The following USP3 variants were observed in gnomAD, a reference collection of about 807,000 sequenced individuals.
USP3 encodes the protein ubiquitin carboxyl-terminal hydrolase 3.
A neutral mutation model predicts 72.3 loss-of-function variants in USP3; 20 were observed. The ratio of observed to expected loss-of-function variants is 0.28; its 90% CI spans 0.19 to 0.40. The LOEUF (loss-of-function observed/expected upper bound fraction) is 0.40, where lower values mean the gene tolerates loss of function less well. Among genes scored for constraint, USP3 ranks in the 10% least tolerant of loss-of-function variants. The probability of loss-of-function intolerance (pLI) is 1.00; values close to 1 mark genes in which losing one functional copy is unlikely to be tolerated. For synonymous variants in USP3, 222 were observed against 225.3 expected, an observed-to-expected ratio of 0.99 and a Z score of 0.13; for missense variants, 479 against 633.9, an observed-to-expected ratio of 0.76 and a Z score of 2.62.
chr15:63,505,126 C>T (rs2065692092), intron 1 of USP3, among the ~76,000 whole-genome samples: 1 of 151,444 alleles, frequency 6.6e-6, no homozygotes, highest in Admixed American at 6.6e-5. Context: ...TGGCCAGCTG[C>T]GTGCGCCCTT....
At chr15:63,517,719 A>T (rs2065870582) in intron 1 of USP3, among the ~76,000 whole-genome samples, 1 of 152,038 alleles carries the variant, frequency 6.6e-6, no homozygotes, top group African/African-American at 2.4e-5. Flanking sequence ...AAGTTCCATG[A>T]CTCAGTTGTC....
intron 11 of USP3, among the ~76,000 whole-genome samples, chr15:63,587,382 A>T (rs1043559526): frequency 6.6e-6 from 1 of 152,252 alleles, no homozygotes; most frequent in Non-Finnish European, 1.5e-5. Context: ...TGATTGCATC[A>T]GGAATTGGCA....
At chr15:63,547,578 A>G (rs1215095578) in intron 3 of USP3, among the ~76,000 whole-genome samples, 1 of 151,790 alleles carries the variant, frequency 6.6e-6, no homozygotes, top group African/African-American at 2.4e-5. Context: ...AAAGTAAAAA[A>G]AAATAGCCAG....
At chr15:63,537,593 T>G (rs2066177039) in intron 3 of USP3, among the ~76,000 whole-genome samples, 1 of 152,216 alleles carries the variant, frequency 6.6e-6, no homozygotes, top group Non-Finnish European at 1.5e-5. Context: ...AAAAAATTAT[T>G]CTGACAGTCT....
intron 1 of USP3, among the ~76,000 whole-genome samples, chr15:63,505,509 GGAGGGGACTGCTC>G (rs1306875619): frequency 6.6e-6 from 1 of 152,230 alleles, no homozygotes. Flanking sequence ...CAGCTGCTTT[GGAGGGGACTGCTC>G]GAGTTTGTTT....
Position 63,528,897 on chromosome 15 carries a change from C to A in USP3, c.92-3750C>A. 1.5e-6 allele frequency: 1 copy of A among 658,644 alleles called. No homozygotes were observed. Among genetic ancestry groups the A allele is most frequent in the Non-Finnish European group, 2.2e-6 (1 of 455,458 alleles). 40.8% of individuals were successfully genotyped at this position (658,644 alleles called of 1,614,324 possible). ...GTCTATTTTATATTTGTCCTGGGTA[C>A]ATTAAAGGTTCTTAATTTGGATGAA... On this transcript the variant is annotated intron_variant, in intron 1 of 14. Coordinates refer to ENST00000380324, the MANE Select transcript of USP3 (RefSeq NM_006537.4). This position sits in a 1 kb window ranked among gnomAD's most constrained non-coding sequence, Gnocchi z 4.3.
chr15:63,556,590 C>G, intron 4 of USP3, 77 bp from the exon 5 acceptor site: 1 of 1,190,496 alleles, frequency 8.4e-7, no homozygotes, highest in South Asian at 1.6e-5. Context: ...TTGAGGGCAG[C>G]TGGAGTTTAT....
Position 63,570,632 on chromosome 15 carries a change from G to A in USP3, c.908+53G>A, listed in dbSNP as rs1420964110. On this transcript the variant is annotated intron_variant, in intron 9 of 14. Transcript: ENST00000380324. This position sits in a 1 kb window ranked among gnomAD's most constrained non-coding sequence, Gnocchi z 4.4. ...AGGAGGGCCTCAGACATTTCTTTTGGTGTTAATTATGTGTTAGATTTATAA... is the reference window on the plus strand; with the variant it reads ...AGGAGGGCCTCAGACATTTCTTTTGATGTTAATTATGTGTTAGATTTATAA... 1 of 1,555,768 alleles carries A rather than the reference G, an allele frequency of 6.4e-7. No homozygotes were observed. Among genetic ancestry groups the A allele is most frequent in the South Asian group, 1.2e-5 (1 of 80,666 alleles).
chr15:63,509,806 T>C (rs931581632), intron 1 of USP3, among the ~76,000 whole-genome samples: 8 of 152,206 alleles, frequency 5.3e-5, no homozygotes, highest in African/African-American at 1.7e-4. Context: ...ATTTAGAATG[T>C]GCTCCATGTA....
At chr15:63,524,427 T>C (rs531771244) in intron 1 of USP3, among the ~76,000 whole-genome samples, 2 of 152,338 alleles carry the variant, frequency 1.3e-5, no homozygotes, top group African/African-American at 4.8e-5. Context: ...TCTGGTTATC[T>C]GTTGCTGCAT....
At chr15:63,578,183 G>A (rs2066896165) in intron 11 of USP3, among the ~76,000 whole-genome samples, 1 of 152,012 alleles carries the variant, frequency 6.6e-6, no homozygotes, top group South Asian at 2.1e-4. Context: ...GGCCAAGGCA[G>A]AATAATGGCT....
chr15:63,525,811 G>T (rs2065973933), intron 1 of USP3, among the ~76,000 whole-genome samples: 1 of 152,192 alleles, frequency 6.6e-6, no homozygotes, highest in Non-Finnish European at 1.5e-5. Flanking sequence ...AATGTTTATA[G>T]AATTTTTATG....
intron 11 of USP3, among the ~76,000 whole-genome samples, chr15:63,578,112 C>G (rs1257829073): frequency 6.6e-6 from 1 of 151,524 alleles, no homozygotes; most frequent in Non-Finnish European, 1.5e-5. Context: ...CCCATCTCTA[C>G]TAAAAATACA....
chr15:63,559,797 A>G (rs2066574253), intron 6 of USP3, 60 bp from the exon 7 acceptor site: 16 of 1,454,772 alleles, frequency 1.1e-5, no homozygotes, highest in Admixed American at 2.2e-5. Context: ...GGCTTCATCA[A>G]CTTTCTTTAC....
chr15:63,580,660 A>ATATATATATATATATATATATATATAT (rs60776150), intron 11 of USP3, among the ~76,000 whole-genome samples: 1 of 113,018 alleles, frequency 8.8e-6, no homozygotes, highest in Non-Finnish European at 1.8e-5. Flanking sequence ...ATGAATATAT[A>ATATATATATATATATATATATATATAT]ATATATATAT....
chr15:63,577,378 G>A (rs1201361188), intron 11 of USP3, among the ~76,000 whole-genome samples: 1 of 152,236 alleles, frequency 6.6e-6, no homozygotes, highest in East Asian at 1.9e-4. Flanking sequence ...TGTAGTCCCA[G>A]CACTTTGGAA....
chr15:63,546,299 CAT>C (rs1204982255), intron 3 of USP3, among the ~76,000 whole-genome samples: 1 of 152,124 alleles, frequency 6.6e-6, no homozygotes, highest in East Asian at 1.9e-4. Flanking sequence ...TTTTGGGAAA[CAT>C]GTATTTCTAC....
At chr15:63,530,007 G>A (rs76875956) in intron 1 of USP3, among the ~76,000 whole-genome samples, 1,712 of 152,176 alleles carry the variant, frequency 0.011, 30 homozygotes, top group African/African-American at 0.039. Flanking sequence ...CGTGGTGGCA[G>A]ATGCCTGTAG....
intron 8 of USP3, among the ~76,000 whole-genome samples, chr15:63,565,348 T>TG (rs2066672479): frequency 6.6e-6 from 1 of 152,222 alleles, no homozygotes; most frequent in Non-Finnish European, 1.5e-5. Flanking sequence ...AAAATTTTCT[T>TG]GAAGTTTTGA....
Sources: allele counts gnomAD v4.1 joint callset (sites outside exome capture counted in the v4.1 genomes callset), GRCh38; gene constraint gnomAD v4.1.1; non-coding constraint Gnocchi (gnomAD v3.1); transcripts MANE v1.5; gene names NCBI Gene and HGNC (gene_info 2026-07-23, HGNC 2026-07-21).